Variants in SRBD1 observed in about 807,000 individuals in gnomAD.
SRBD1 encodes the protein S1 RNA-binding domain-containing protein 1.
SRBD1 carries 88 observed loss-of-function variants against 115.3 expected under a neutral mutation model. That is an observed-to-expected ratio of 0.76 (90% CI 0.64 to 0.91). The LOEUF (loss-of-function observed/expected upper bound fraction) is 0.91, where lower values mean the gene tolerates loss of function less well. SRBD1 is among the 40% of genes least tolerant of loss of function. The pLI is 0.00. For missense variants in SRBD1, 1,385 were observed against 1,177.4 expected (o/e 1.18, Z -2.58); for synonymous variants, 509 against 407.7 (o/e 1.25, Z -2.99).
chr2:45,398,015 T>C (rs564949110), intron 19 of SRBD1, among the ~76,000 whole-genome samples: 55 of 152,328 alleles, frequency 3.6e-4, no homozygotes, highest in Non-Finnish European at 6.9e-4. Context: ...CATTCATTTA[T>C]AGAGAGGCCC....
intron 14 of SRBD1, 83 bp from the exon 15 acceptor site, chr2:45,488,414 C>T (rs1170235975): frequency 8.6e-7 from 1 of 1,162,530 alleles, no homozygotes; most frequent in African/African-American, 1.6e-5. Context: ...CCAGGCATTA[C>T]CAGAAAAAAA....
chr2:45,550,999 G>T, intron 12 of SRBD1, 126 bp downstream of exon 12: 1 of 1,097,016 alleles, frequency 9.1e-7, no homozygotes. Flanking sequence ...CAACACCCCT[G>T]TATGTGAGAA....
rs574274908 is a variant in SRBD1, at chr2:45,583,342, A to G, written c.816-1532T>C. ...GTCATGGTAGCCCAAGACTGTTTTCAAGGGCTAAAGCCTACCAGGTCATTT... is the reference window on the plus strand; with the variant it reads ...GTCATGGTAGCCCAAGACTGTTTTCGAGGGCTAAAGCCTACCAGGTCATTT... On this transcript the variant is annotated intron_variant, in intron 5 of 20. Transcript: ENST00000263736. Among the ~76,000 whole-genome samples the G allele has an allele frequency of 9.8e-5, 15 of 152,328 alleles. No individual in the cohort carries two copies. The South Asian group carries it at 3.1e-3, about 32-fold the overall frequency.
chr2:45,419,774 C>T lies in SRBD1; in HGVS notation c.2156+14G>A, dbSNP rs988504618. On this transcript the variant is annotated intron_variant, in intron 17 of 20. Coordinates refer to ENST00000263736, the MANE Select transcript of SRBD1 (RefSeq NM_018079.5). The stretch of plus-strand genomic sequence containing the variant: ...CTCAAGATTCTGTGATCTTCAGCCA[C>T]ATATTTGTCTCACCTTAACAAAACT... 3.1e-6 allele frequency: 5 copies of T among 1,610,366 alleles called. No homozygotes were observed. The highest frequency in any genetic ancestry group is 2.7e-5 in the African/African-American group (2 of 74,862).
chr2:45,562,821 T>G, intron 9 of SRBD1, 65 bp from the exon 10 acceptor site: 4 of 977,048 alleles, frequency 4.1e-6, no homozygotes, highest in Non-Finnish European at 6.1e-6. Context: ...CAGGCGACTA[T>G]GTAGCTGACA....
At chr2:45,442,113 G>C (rs1053355484) in intron 16 of SRBD1, among the ~76,000 whole-genome samples, 3 of 152,100 alleles carry the variant, frequency 2.0e-5, no homozygotes, top group African/African-American at 7.2e-5. Context: ...AGATACCAAA[G>C]AAGCTGGGAG....
Position 45,546,774 on chromosome 2 carries a change from A to T in SRBD1, c.1832T>A (p.Leu611Gln). The T allele has an allele frequency of 6.2e-7, 1 of 1,614,170 alleles. No individual in the cohort carries two copies. Among genetic ancestry groups the T allele is most frequent in the Non-Finnish European group, 8.5e-7 (1 of 1,179,996 alleles). ...CRETEAYFAD[L>Q]IMKNYFAPLD... is the part of the protein sequence containing the mutation. ...TGGTGCAAAATAATTCTTCATTATC[A>T]GGTCAGCAAAGTAAGCTTCTGTTTC... Residue 611 changes from leucine (L) to glutamine (Q), a missense_variant, in exon 14 of 21, where the codon CTG becomes CAG. Transcript: ENST00000263736.
At chr2:45,438,452 C>T (rs1357694325) in intron 16 of SRBD1, among the ~76,000 whole-genome samples, 2 of 152,094 alleles carry the variant, frequency 1.3e-5, no homozygotes, top group Non-Finnish European at 2.9e-5. Flanking sequence ...AAACAGCAGA[C>T]AAGAACTTTA....
At chr2:45,607,382 C>T (rs138008642) in intron 1 of SRBD1, among the ~76,000 whole-genome samples, 154 of 152,110 alleles carry the variant, frequency 1.0e-3, no homozygotes, top group Middle Eastern at 6.8e-3. Context: ...ACACCATTAA[C>T]AAAAATTTAT....
intron 19 of SRBD1, among the ~76,000 whole-genome samples, chr2:45,406,045 C>A (rs889789731): frequency 2.6e-5 from 4 of 152,104 alleles, no homozygotes; most frequent in Non-Finnish European, 4.4e-5. Flanking sequence ...ATACAAGAGA[C>A]AGTTAGTTAT....
At chr2:45,512,441 C>G (rs3770279) in intron 14 of SRBD1, among the ~76,000 whole-genome samples, 79,455 of 151,964 alleles carry the variant, frequency 0.52, 21,582 homozygotes, top group Non-Finnish European at 0.6. Context: ...GAAGGATAAT[C>G]CTATCAACAT....
chr2:45,391,324 C>T (rs763794658), intron 20 of SRBD1, among the ~76,000 whole-genome samples: 40 of 152,108 alleles, frequency 2.6e-4, no homozygotes, highest in Admixed American at 1.3e-4. Context: ...ATTAACTAGT[C>T]ACCATAGTGT....
At chr2:45,557,024 G>A (rs58761012) in intron 10 of SRBD1, among the ~76,000 whole-genome samples, 84,944 of 151,838 alleles carry the variant, frequency 0.56, 24,738 homozygotes, top group African/African-American at 0.7. Flanking sequence ...ATTGTAGTTT[G>A]CCAAGCAAGA....
At chr2:45,535,432 C>A (rs1433681229) in intron 14 of SRBD1, among the ~76,000 whole-genome samples, 2 of 151,898 alleles carry the variant, frequency 1.3e-5, no homozygotes, top group Non-Finnish European at 2.9e-5. Flanking sequence ...ATCAACCATT[C>A]CTTTATAATT....
At chr2:45,508,099 G>C (rs1029152027) in intron 14 of SRBD1, among the ~76,000 whole-genome samples, 2 of 152,216 alleles carry the variant, frequency 1.3e-5, no homozygotes, top group South Asian at 4.1e-4. Context: ...AATTTAGAAG[G>C]TTGTTCAGCT....
rs532170254 is a variant in SRBD1 at position 45,544,714 on chromosome 2, A to G, written c.1874+2018T>C. ...ACTTTATGTAAGTTTATTAATTTGC[A>G]TAAGAAAATACTGCATCTAATTTCA... On this transcript the variant is annotated intron_variant, in intron 14 of 20. Transcript: ENST00000263736. 3.9e-5 allele frequency among the ~76,000 whole-genome samples: 6 copies of G among 152,372 alleles called. No homozygotes were observed. In the South Asian group the frequency reaches 1.2e-3, roughly 32 times the overall value.
At chr2:45,498,978 T>C (rs1382929162) in intron 14 of SRBD1, among the ~76,000 whole-genome samples, 1 of 152,218 alleles carries the variant, frequency 6.6e-6, no homozygotes, top group Non-Finnish European at 1.5e-5. Context: ...ACCTCTTCAA[T>C]ATACTGAGTT....
chr2:45,418,036 T>C (rs142262088), intron 18 of SRBD1, among the ~76,000 whole-genome samples: 1 of 152,362 alleles, frequency 6.6e-6, no homozygotes, highest in African/African-American at 2.4e-5. Flanking sequence ...ATAACGAATC[T>C]AAAGTAGTTG....
At chr2:45,568,225 A>G (rs1480935776) in intron 9 of SRBD1, among the ~76,000 whole-genome samples, 1 of 152,212 alleles carries the variant, frequency 6.6e-6, no homozygotes, top group Non-Finnish European at 1.5e-5. Flanking sequence ...TTTGAAAAAG[A>G]AAGAAAAAAA....
Sources: gnomAD v4.1 joint callset for allele counts (sites outside exome capture counted in the v4.1 genomes callset) on GRCh38, gnomAD v4.1.1 for gene constraint, MANE v1.5 for transcripts, NCBI Gene and HGNC (gene_info 2026-07-23, HGNC 2026-07-21) for gene names.